ZNF326: variants seen among roughly 807,000 people sequenced by gnomAD.
The protein encoded by ZNF326 is DBIRD complex subunit ZNF326.
A neutral mutation model predicts 63.1 loss-of-function variants in ZNF326; 30 were observed. That is an observed-to-expected ratio of 0.48 (90% confidence interval 0.36 to 0.64). ZNF326 has a LOEUF of 0.64. ZNF326 is among the 30% of genes least tolerant of loss of function. The pLI is 0.00. For missense variants in ZNF326, 609 were observed against 720.3 expected (o/e 0.85, Z 1.77); for synonymous variants, 194 against 228.2 (o/e 0.85, Z 1.35).
intron 2 of ZNF326, 45 bp downstream of exon 2, chr1:89,998,199 T>C (rs1265926723): frequency 6.3e-7 from 1 of 1,594,710 alleles, no homozygotes; most frequent in East Asian, 2.2e-5. Context: ...CATAAAAATA[T>C]AGTATCAATG....
At chr1:89,996,017 A>G (rs149708836) in intron 1 of ZNF326, among the ~76,000 whole-genome samples, 32 of 152,360 alleles carry the variant, frequency 2.1e-4, no homozygotes, top group African/African-American at 7.5e-4. Context: ...ACCTGTACAC[A>G]GCCTTGTAAG....
intron 11 of ZNF326, among the ~76,000 whole-genome samples, chr1:90,024,500 T>C (rs1038770701): frequency 4.6e-5 from 7 of 152,194 alleles, no homozygotes; most frequent in Admixed American, 1.3e-4. Flanking sequence ...CAATTCACAA[T>C]AATTTTACTT....
intron 2 of ZNF326, among the ~76,000 whole-genome samples, chr1:90,002,858 A>G (rs1043035406): frequency 6.6e-6 from 1 of 152,170 alleles, no homozygotes; most frequent in Non-Finnish European, 1.5e-5. Flanking sequence ...ATTATTTTGT[A>G]ATATCGGCAT....
intron 9 of ZNF326, 132 bp downstream of exon 9, chr1:90,018,916 A>G (rs1375402560): frequency 2.5e-6 from 1 of 394,558 alleles, no homozygotes; most frequent in East Asian, 4.1e-5. Context: ...GTGAGTTACC[A>G]GAAATGAACT....
At chr1:90,027,250 C>T in intron 11 of ZNF326, 104 bp from the exon 12 acceptor site, 2 of 1,072,180 alleles carry the variant, frequency 1.9e-6, no homozygotes, top group Non-Finnish European at 2.7e-6. Context: ...TGAAAAGTTT[C>T]AAAATGGCAT....
intron 2 of ZNF326, among the ~76,000 whole-genome samples, chr1:90,000,969 G>A (rs1017755072): frequency 6.6e-6 from 1 of 152,178 alleles, no homozygotes; most frequent in Non-Finnish European, 1.5e-5. Context: ...TAGTAGTGGA[G>A]TGAACAGGGG....
chr1:90,020,584 T>C (rs1439421008), intron 9 of ZNF326, among the ~76,000 whole-genome samples: 1 of 152,082 alleles, frequency 6.6e-6, no homozygotes, highest in African/African-American at 2.4e-5. Flanking sequence ...ATAATGTAAT[T>C]GTACCTTAAT....
At chr1:90,024,873 A>G (rs1649937162) in intron 11 of ZNF326, among the ~76,000 whole-genome samples, 1 of 151,652 alleles carries the variant, frequency 6.6e-6, no homozygotes, top group Non-Finnish European at 1.5e-5. Flanking sequence ...CCTTAGATAT[A>G]TCTTTCCTTC....
At chr1:90,021,863 G>A (rs1412616313) in intron 10 of ZNF326, among the ~76,000 whole-genome samples, 1 of 152,004 alleles carries the variant, frequency 6.6e-6, no homozygotes, top group Non-Finnish European at 1.5e-5. Flanking sequence ...CTGTATAATA[G>A]TCTTGAAATA....
chr1:90,025,005 TC>T (rs2101095400), intron 11 of ZNF326, among the ~76,000 whole-genome samples: 1 of 150,358 alleles, frequency 6.7e-6, no homozygotes, highest in South Asian at 2.1e-4. Flanking sequence ...TTTCTAATCT[TC>T]CTCAAATAGA....
rs895203377 is a variant in ZNF326, at chr1:90,034,646, A to G, written c.*6945A>G. On this transcript the variant is annotated 3_prime_UTR_variant, in exon 12 of 12. Transcript: ENST00000340281. ...TAAATCAATTTTTAAAAATCAGACAAAAGAAAACACTGTCCTTGTAATGCT... is the reference window on the plus strand; with the variant it reads ...TAAATCAATTTTTAAAAATCAGACAGAAGAAAACACTGTCCTTGTAATGCT... 1.3e-5 allele frequency: 2 copies of G among 152,172 alleles called. No homozygotes were observed. Among genetic ancestry groups the G allele is most frequent in the Admixed American group, 6.5e-5 (1 of 15,284 alleles). 9.4% of individuals were successfully genotyped at this position (152,172 alleles called of 1,614,324 possible).
Position 90,034,707 on chromosome 1 carries a change from ATCTT to A in ZNF326, c.*7008_*7011del, listed in dbSNP as rs1162103503. ...AGGAAATAAAAACTTATGAAAGAGA[ATCTT>A]TATTTTATTTAAGCAGTTCTAGATT... On this transcript the variant is annotated 3_prime_UTR_variant, in exon 12 of 12. Transcript: ENST00000340281. The A allele has an allele frequency of 9.2e-5, 14 of 152,154 alleles. No homozygotes were observed. The highest frequency in any genetic ancestry group is 1.2e-4 in the African/African-American group (5 of 41,458). The allele number at this position is 152,154 out of a possible 1,614,324, so 9.4% of individuals were successfully genotyped here. A position where few individuals can be genotyped will look rare whatever the true frequency, so the allele number is the denominator to read the frequency against.
chr1:90,006,498 C>A (rs1466832145), intron 4 of ZNF326: 1 of 983,544 alleles, frequency 1.0e-6, no homozygotes, highest in Non-Finnish European at 1.2e-6. Flanking sequence ...TGATTTATTT[C>A]TTCTGTTAAC....
chr1:90,027,057 G>T (rs2101099250), intron 11 of ZNF326, among the ~76,000 whole-genome samples: 1 of 104,624 alleles, frequency 9.6e-6, no homozygotes, highest in East Asian at 3.7e-4. Flanking sequence ...TCTTTGTCAT[G>T]TGTATATATG....
chr1:90,005,530 C>T (rs1240709853), intron 4 of ZNF326: 3 of 1,006,312 alleles, frequency 3.0e-6, no homozygotes, highest in Non-Finnish European at 2.4e-6. Flanking sequence ...CTTTTAACTT[C>T]TTGTCAATCA....
At chr1:90,001,360 G>A (rs973176955) in intron 2 of ZNF326, among the ~76,000 whole-genome samples, 1 of 152,110 alleles carries the variant, frequency 6.6e-6, no homozygotes, top group African/African-American at 2.4e-5. Flanking sequence ...AATTATTGTG[G>A]CTGTTGTCTT....
At chr1:90,021,103 T>G (rs1446702688) in intron 10 of ZNF326, among the ~76,000 whole-genome samples, 181 bp downstream of exon 10, 1 of 152,108 alleles carries the variant, frequency 6.6e-6, no homozygotes, top group East Asian at 1.9e-4. Flanking sequence ...AAAGTAAGAC[T>G]CCCTGAGTTG....
At chr1:90,009,467 ATG>A (rs2101066890) in intron 5 of ZNF326, among the ~76,000 whole-genome samples, 1 of 152,232 alleles carries the variant, frequency 6.6e-6, no homozygotes, top group South Asian at 2.1e-4. Flanking sequence ...GGGTCAGAAA[ATG>A]TTTCTCTAGG....
rs117138375 is a variant in ZNF326, at chr1:90,016,821, G to A, written c.927-496G>A. On this transcript the variant is annotated intron_variant, in intron 7 of 11. Coordinates refer to ENST00000340281, the MANE Select transcript of ZNF326 (RefSeq NM_182976.4). ...CAGATGTATGCATTTGTCCAGTCCAGGCCTATTAGTTATCCCTAAGTGAAG... is the reference window on the plus strand; with the variant it reads ...CAGATGTATGCATTTGTCCAGTCCAAGCCTATTAGTTATCCCTAAGTGAAG... Among the ~76,000 whole-genome samples, 650 of 152,250 alleles carry A rather than the reference G, an allele frequency of 4.3e-3. 9 individuals carry two copies. The highest frequency in any genetic ancestry group is 0.028 in the Admixed American group (435 of 15,298).
Sources: allele counts gnomAD v4.1 joint callset (sites outside exome capture counted in the v4.1 genomes callset), GRCh38; gene constraint gnomAD v4.1.1; transcripts MANE v1.5; gene names NCBI Gene and HGNC (gene_info 2026-07-23, HGNC 2026-07-21).